The following ABCC3 variants were observed in gnomAD, a reference collection of about 807,000 sequenced individuals.
ABCC3 encodes ATP-binding cassette sub-family C member 3.
A neutral mutation model predicts 165.3 loss-of-function variants in ABCC3; 121 were observed. That is an observed-to-expected ratio of 0.73 (90% CI 0.63 to 0.85). The LOEUF (loss-of-function observed/expected upper bound fraction) is 0.85, where lower values mean the gene tolerates loss of function less well. Ranked by LOEUF, ABCC3 falls within the 40% of genes least tolerant of loss-of-function variation. The pLI is 0.00. For synonymous variants in ABCC3, 733 were observed against 810.1 expected (o/e 0.90, Z 1.62); for missense variants, 1,869 against 1,964.1 (o/e 0.95, Z 0.92).
At chr17:50,679,939 G>T in intron 26 of ABCC3, 40 bp downstream of exon 26, 1 of 1,549,628 alleles carries the variant, frequency 6.5e-7, no homozygotes. Context: ...GGAATCTGAA[G>T]TAGCTGGGGA....
chr17:50,640,019 C>T (rs552178113), intron 1 of ABCC3, among the ~76,000 whole-genome samples: 9 of 152,326 alleles, frequency 5.9e-5, no homozygotes, highest in African/African-American at 2.2e-4. Flanking sequence ...CCACCTCAGC[C>T]TCCTAAAGTG....
chr17:50,648,998 G>T (rs1365877125), intron 1 of ABCC3, among the ~76,000 whole-genome samples: 1 of 151,888 alleles, frequency 6.6e-6, no homozygotes, highest in East Asian at 1.9e-4. Context: ...TGTAATCCCA[G>T]CTACTCGGGA....
chr17:50,673,861 T>C (rs1360098962), intron 19 of ABCC3, among the ~76,000 whole-genome samples: 2 of 151,840 alleles, frequency 1.3e-5, no homozygotes, highest in African/African-American at 4.8e-5. Flanking sequence ...CTACCCTAAC[T>C]GTGGGAACTC....
intron 1 of ABCC3, among the ~76,000 whole-genome samples, chr17:50,642,553 T>A (rs578239171): frequency 5.3e-5 from 8 of 152,294 alleles, no homozygotes; most frequent in Admixed American, 1.3e-4. Flanking sequence ...ATCGAAGTGC[T>A]TTGCTGTTCA....
Position 50,667,700 on chromosome 17 carries a change from CACGGCGGCCT to C in ABCC3, c.1581_1590del (p.Ala528SerfsTer16). 1 of 1,614,116 alleles carries C rather than the reference CACGGCGGCCT, an allele frequency of 6.2e-7. No homozygotes were observed. The highest frequency in any genetic ancestry group is 8.5e-7 in the Non-Finnish European group (1 of 1,180,036). On this transcript the variant is annotated frameshift_variant, in exon 12 of 31. Transcript: ENST00000285238. LOFTEE classifies it high-confidence loss of function. The stretch of plus-strand genomic sequence containing the variant: ...GGCAGGGTGAGCTCCAGCTGCTGCG[CACGGCGGCCT>C]ACCTCCACACCACAACCACCTTCAC...
intron 17 of ABCC3, among the ~76,000 whole-genome samples, chr17:50,672,590 T>A (rs186615546): frequency 3.3e-5 from 5 of 152,308 alleles, no homozygotes; most frequent in African/African-American, 1.2e-4. Context: ...TCAGGCACAG[T>A]GGCTCACACC....
Position 50,684,813 on chromosome 17 carries a change from G to A in ABCC3, c.4218G>A (p.Thr1406=), listed in dbSNP as rs532964362. The stretch of plus-strand genomic sequence containing the variant: ...CTTTGGAGCTGTCCCACCTGCACAC[G>A]TTTGTGAGCTCCCAGCCGGCAGGCC... ...WWALELSHLH[T]FVSSQPAGLD... is the part of the protein sequence containing the mutation. The change falls in exon 29 of 31, where the codon ACG becomes ACA. Residue 1406 remains threonine, a synonymous_variant. Coordinates refer to ENST00000285238, the MANE Select transcript of ABCC3 (RefSeq NM_003786.4). 37 of 1,614,134 alleles carry A rather than the reference G, an allele frequency of 2.3e-5. No homozygotes were observed. In the South Asian group the frequency reaches 3.1e-4, roughly 13 times the overall value.
intron 4 of ABCC3, 86 bp from the exon 5 acceptor site, chr17:50,657,994 GAC>G: frequency 6.3e-7 from 1 of 1,588,272 alleles, no homozygotes; most frequent in Non-Finnish European, 8.6e-7. Context: ...CCCCAGAGGA[GAC>G]TGATGCCCCA....
rs1968118995 is a variant in ABCC3, at chr17:50,691,284, T to C, written c.*84T>C. On this transcript the variant is annotated 3_prime_UTR_variant, in exon 31 of 31. Coordinates refer to ENST00000285238, the MANE Select transcript of ABCC3 (RefSeq NM_003786.4). ...ACCAAATATGTCCGCAGAATGGACT[T>C]GATAGCAAACACTGGGGGCACCTTA... is the stretch of plus-strand genomic sequence containing the variant. The C allele has an allele frequency of 2.7e-6, 3 of 1,100,396 alleles. No homozygotes were observed. The highest frequency in any genetic ancestry group is 4.1e-6 in the Non-Finnish European group (3 of 729,990). 68.2% of individuals were successfully genotyped at this position (1,100,396 alleles called of 1,614,324 possible).
chr17:50,665,780 A>AT (rs564591034), intron 11 of ABCC3, among the ~76,000 whole-genome samples: 15,707 of 142,646 alleles, frequency 0.11, 997 homozygotes, highest in Non-Finnish European at 0.15. Flanking sequence ...TTATTTTTGT[A>AT]TTTTTTTTTT....
chr17:50,679,872 C>T lies in ABCC3; in HGVS notation c.3780C>T (p.Val1260=). ...CTAACATCGTGGCTGTGGAGAGGGT[C>T]AAGGAGTACTCCAAGACAGAGACAG... ...LESNIVAVER[V]KEYSKTETEA... The change falls in exon 26 of 31, where the codon GTC becomes GTT. Residue 1260 remains valine, a synonymous_variant. Transcript: ENST00000285238. 1.2e-6 allele frequency: 2 copies of T among 1,614,042 alleles called. No individual in the cohort carries two copies. Among genetic ancestry groups the T allele is most frequent in the Non-Finnish European group, 1.7e-6 (2 of 1,179,964 alleles).
chr17:50,668,135 T>C, intron 13 of ABCC3, 126 bp downstream of exon 13: 1 of 863,338 alleles, frequency 1.2e-6, no homozygotes, highest in South Asian at 1.6e-5. Context: ...GCTAGCATTA[T>C]GAAGAGCTAT....
Position 50,676,010 on chromosome 17 carries a change from C to A in ABCC3, c.2987C>A (p.Thr996Lys). The A allele has an allele frequency of 1.2e-6, 2 of 1,614,202 alleles. No homozygotes were observed. The highest frequency in any genetic ancestry group is 1.7e-6 in the Non-Finnish European group (2 of 1,180,044). Residue 996 changes from threonine to lysine, a missense_variant, in exon 22 of 31, where the codon ACA (threonine) becomes AAA (lysine). Thr to Lys is a moderately conservative substitution (Grantham distance 78, BLOSUM62 -1). Coordinates refer to ENST00000285238, the MANE Select transcript of ABCC3 (RefSeq NM_003786.4). ...IGANVWLSAW[T>K]NDAMADSRQN... Reference sequence around the variant, plus strand: ...GCCAATGTGTGGCTCAGTGCCTGGACAAATGATGCCATGGCAGACAGTAGA... The same window carrying A: ...GCCAATGTGTGGCTCAGTGCCTGGAAAAATGATGCCATGGCAGACAGTAGA...
At chr17:50,660,886 C>T (rs1967362391) in intron 7 of ABCC3, 37 bp from the exon 8 acceptor site, 6 of 1,547,240 alleles carry the variant, frequency 3.9e-6, no homozygotes, top group Non-Finnish European at 5.2e-6. Context: ...GCCCCTGTCC[C>T]CATTCCTAAC....
chr17:50,638,389 A>G (rs996922118), intron 1 of ABCC3, among the ~76,000 whole-genome samples: 2 of 152,322 alleles, frequency 1.3e-5, no homozygotes, highest in East Asian at 3.9e-4. Context: ...CCATCCAAAG[A>G]TGGCAAGGAC....
intron 23 of ABCC3, 34 bp downstream of exon 23, chr17:50,676,622 G>A: frequency 1.6e-6 from 2 of 1,223,350 alleles, no homozygotes; most frequent in Non-Finnish European, 1.1e-6. Context: ...TGTGGGCGTG[G>A]TGTTATTGGG....
In ABCC3 at chr17:50,691,229, T is replaced by C; in HGVS notation, c.*29T>C. 1 of 1,551,946 alleles carries C rather than the reference T, an allele frequency of 6.4e-7. No homozygotes were observed. Among genetic ancestry groups the C allele is most frequent in the Non-Finnish European group, 8.9e-7 (1 of 1,124,024 alleles). ...ATATTCCTGAGATTTCCTCCTGGCC[T>C]TTCCTGGTTTTCATCAGGAAGGAAA... On this transcript the variant is annotated 3_prime_UTR_variant, in exon 31 of 31. Coordinates refer to ENST00000285238, the MANE Select transcript of ABCC3 (RefSeq NM_003786.4).
chr17:50,655,597 A>G (rs1967221676), intron 1 of ABCC3, among the ~76,000 whole-genome samples: 1 of 151,936 alleles, frequency 6.6e-6, no homozygotes, highest in Non-Finnish European at 1.5e-5. Flanking sequence ...CCCTTAAATT[A>G]TGCCTCAATT....
rs755394565 is a variant in ABCC3 at position 50,656,008 on chromosome 17, G to A, written c.222G>A (p.Met74Ile). The change falls in exon 2 of 31, where the codon ATG becomes ATA. Residue 74 changes from methionine (M) to isoleucine (I), a missense_variant and splice_region_variant. Coordinates refer to ENST00000285238, the MANE Select transcript of ABCC3 (RefSeq NM_003786.4). The stretch of plus-strand genomic sequence containing the variant: ...TCTCCCACCTGTCCAAGCTCAAGAT[G>A]GTCAGTGGCTCAGGGATCTCCTACC... ...IILSHLSKLK[M>I]VLGVLLWCVS... 1 of 1,613,158 alleles carries A rather than the reference G, an allele frequency of 6.2e-7. No homozygotes were observed. The highest frequency in any genetic ancestry group is 8.5e-7 in the Non-Finnish European group (1 of 1,179,482).
Sources: gnomAD v4.1 joint callset for allele counts (sites outside exome capture counted in the v4.1 genomes callset) on GRCh38, gnomAD v4.1.1 for gene constraint, MANE v1.5 for transcripts, NCBI Gene and HGNC (gene_info 2026-07-23, HGNC 2026-07-21) for gene names.